Variants in SLIT3 observed in about 807,000 individuals in gnomAD.
SLIT3 encodes the protein slit guidance ligand 3.
SLIT3 carries 68 observed loss-of-function variants against 184.0 expected under a neutral mutation model. That is an observed-to-expected ratio of 0.37 (90% CI 0.30 to 0.45). SLIT3 has a LOEUF of 0.45. Among genes scored for constraint, SLIT3 ranks in the 20% least tolerant of loss-of-function variants. The pLI is 1.00. For synonymous variants in SLIT3, 831 were observed against 828.6 expected (o/e 1.00, Z -0.05); for missense variants, 1,707 against 2,026.0 (o/e 0.84, Z 3.02).
At chr5:169,100,390 T>C (rs1271043990) in intron 4 of SLIT3, among the ~76,000 whole-genome samples, 1 of 152,188 alleles carries the variant, frequency 6.6e-6, no homozygotes, top group African/African-American at 2.4e-5. Context: ...TTCGTTTACC[T>C]ATTAGTCAAA....
At chr5:169,238,618 G>C (rs1434391575) in intron 3 of SLIT3, among the ~76,000 whole-genome samples, 2 of 147,204 alleles carry the variant, frequency 1.4e-5, no homozygotes, top group Non-Finnish European at 3.0e-5. Context: ...GAAAAACATG[G>C]CCTTGTATTT....
chr5:169,149,259 T>C (rs566485087), intron 4 of SLIT3, among the ~76,000 whole-genome samples: 1 of 152,298 alleles, frequency 6.6e-6, no homozygotes, highest in Non-Finnish European at 1.5e-5. Context: ...TAGTCAATGA[T>C]TGTTTGGCGG....
chr5:168,866,222 G>A (rs141049236), intron 5 of SLIT3, among the ~76,000 whole-genome samples: 1 of 152,342 alleles, frequency 6.6e-6, no homozygotes, highest in East Asian at 1.9e-4. Context: ...TCCTCAGCTT[G>A]TAGGCCACTC....
At chr5:168,921,364 TA>T (rs1428927930) in intron 4 of SLIT3, among the ~76,000 whole-genome samples, 1 of 152,176 alleles carries the variant, frequency 6.6e-6, no homozygotes, top group Non-Finnish European at 1.5e-5. Context: ...TTTTCTGTAG[TA>T]AAGATATATG....
intron 3 of SLIT3, among the ~76,000 whole-genome samples, chr5:169,225,743 T>C (rs1396827015): frequency 2.0e-5 from 3 of 151,838 alleles, no homozygotes; most frequent in African/African-American, 7.3e-5. Flanking sequence ...GATTTCCCAA[T>C]AGAGGGAAAA....
chr5:169,148,418 A>C (rs1762002926), intron 4 of SLIT3, among the ~76,000 whole-genome samples: 1 of 152,258 alleles, frequency 6.6e-6, no homozygotes, highest in Non-Finnish European at 1.5e-5. Flanking sequence ...GAATAGCCTG[A>C]AAGCTCCAGG....
intron 4 of SLIT3, among the ~76,000 whole-genome samples, chr5:169,146,943 A>T (rs1761945360): frequency 6.6e-6 from 1 of 152,250 alleles, no homozygotes; most frequent in Admixed American, 6.5e-5. Flanking sequence ...GCATGGAGAT[A>T]GTGATTGTGC....
chr5:168,914,676 A>G (rs1485414614), intron 4 of SLIT3, among the ~76,000 whole-genome samples: 1 of 152,064 alleles, frequency 6.6e-6, no homozygotes, highest in Non-Finnish European at 1.5e-5. Flanking sequence ...TCCGTAGCGT[A>G]CTTCTCTTTT....
intron 6 of SLIT3, among the ~76,000 whole-genome samples, chr5:168,833,370 A>G (rs1417684441): frequency 6.6e-6 from 1 of 152,188 alleles, no homozygotes; most frequent in African/African-American, 2.4e-5. Flanking sequence ...AGCTGAGTGC[A>G]ATTTACAGCT....
chr5:168,754,734 C>T (rs1259091498), intron 16 of SLIT3, among the ~76,000 whole-genome samples: 1 of 151,876 alleles, frequency 6.6e-6, no homozygotes, highest in Non-Finnish European at 1.5e-5. Flanking sequence ...ATCACGTGTC[C>T]CATAAATATG....
chr5:169,038,869 C>G (rs1162048636), intron 4 of SLIT3, among the ~76,000 whole-genome samples: 2 of 152,088 alleles, frequency 1.3e-5, no homozygotes, highest in African/African-American at 4.8e-5. Flanking sequence ...CAAGCAAAGA[C>G]CACCATAAAA....
intron 4 of SLIT3, among the ~76,000 whole-genome samples, chr5:169,085,458 C>T (rs977901267): frequency 6.6e-6 from 1 of 152,118 alleles, no homozygotes; most frequent in East Asian, 1.9e-4. Context: ...AGCAAAGGGG[C>T]GTGGGAGGGG....
In SLIT3 at chr5:168,671,348, A is replaced by G; in HGVS notation, c.3977T>C (p.Leu1326Pro). The change falls in exon 34 of 36, where the codon CTG (leucine) becomes CCG (proline). Residue 1326 changes from leucine (L) to proline (P), a missense_variant. Leu to Pro is a moderately conservative substitution (Grantham distance 98). Transcript: ENST00000519560. ...GGACTTGCAGCCTGGTGACACCCCC[A>G]GGGACTGTGGTGGGAGGGCCTTGAA... ...QDFKALPPQSLGVSPGCKSCT... is the reference protein window; with the variant it reads ...QDFKALPPQSPGVSPGCKSCT... The G allele has an allele frequency of 1.2e-6, 2 of 1,614,098 alleles. No individual in the cohort carries two copies. Among genetic ancestry groups the G allele is most frequent in the Admixed American group, 1.7e-5 (1 of 60,018 alleles).
intron 4 of SLIT3, among the ~76,000 whole-genome samples, chr5:169,019,765 C>A (rs1293095124): frequency 6.6e-6 from 1 of 152,220 alleles, no homozygotes; most frequent in Non-Finnish European, 1.5e-5. Flanking sequence ...ATAGCTATCA[C>A]TCTTTTCCTT....
rs1754807900 is a variant in SLIT3 at position 168,754,010 on chromosome 5, A to G, written c.1686-3T>C. 1 of 1,570,004 alleles carries G rather than the reference A, an allele frequency of 6.4e-7. No homozygotes were observed. ...TGATCTTATTGTTACTCAGATTTCTAGAAGGAAGAAACAGAATAGGGGAGA... is the reference window on the plus strand; with the variant it reads ...TGATCTTATTGTTACTCAGATTTCTGGAAGGAAGAAACAGAATAGGGGAGA... On this transcript the variant is annotated splice_polypyrimidine_tract_variant and splice_region_variant and intron_variant, in intron 16 of 35. Transcript: ENST00000519560.
chr5:169,086,858 C>T (rs1759321821), intron 4 of SLIT3, among the ~76,000 whole-genome samples: 1 of 152,182 alleles, frequency 6.6e-6, no homozygotes, highest in East Asian at 1.9e-4. Context: ...GCCTTGACTG[C>T]CTTCTAACAG....
intron 4 of SLIT3, among the ~76,000 whole-genome samples, chr5:169,073,346 C>G (rs1300014527): frequency 1.3e-5 from 2 of 152,168 alleles, no homozygotes; most frequent in African/African-American, 4.8e-5. Flanking sequence ...TCACACCATG[C>G]TGCACAAGGT....
intron 4 of SLIT3, among the ~76,000 whole-genome samples, chr5:169,041,746 A>G (rs756037474): frequency 9.9e-5 from 15 of 152,204 alleles, no homozygotes; most frequent in Non-Finnish European, 1.6e-4. Flanking sequence ...ATCTGGGTAG[A>G]TTAGAATATT....
intron 1 of SLIT3, among the ~76,000 whole-genome samples, chr5:169,280,349 T>G (rs536194144): frequency 6.6e-6 from 1 of 152,350 alleles, no homozygotes; most frequent in African/African-American, 2.4e-5. Context: ...AATTTTTTTT[T>G]TCTTTTCTGC....
Sources: allele counts gnomAD v4.1 joint callset (sites outside exome capture counted in the v4.1 genomes callset), GRCh38; gene constraint gnomAD v4.1.1; transcripts MANE v1.5; gene names NCBI Gene and HGNC (gene_info 2026-07-23, HGNC 2026-07-21).